EFCAB14: variants seen among roughly 807,000 people sequenced by gnomAD.
EFCAB14 encodes EF-hand calcium-binding domain-containing protein 14.
A neutral mutation model predicts 56.5 loss-of-function variants in EFCAB14; 43 were observed. The ratio of observed to expected loss-of-function variants is 0.76; its 90% CI spans 0.60 to 0.98. EFCAB14 has a LOEUF of 0.98. EFCAB14 is among the 50% of genes least tolerant of loss of function. The pLI, the probability that EFCAB14 is intolerant of heterozygous loss-of-function variation, is 0.00. For missense variants in EFCAB14, 538 were observed against 580.3 expected (o/e 0.93, Z 0.75); for synonymous variants, 235 against 212.9 (o/e 1.10, Z -0.90).
At position 46,696,541 on chromosome 1, in the gene EFCAB14, T is replaced by C. The variant is rs760022078; in HGVS notation, c.579+10A>G. 3.7e-6 allele frequency: 6 copies of C among 1,612,174 alleles called. No homozygotes were observed. Among genetic ancestry groups the C allele is most frequent in the Non-Finnish European group, 3.4e-6 (4 of 1,178,668 alleles). Reference sequence around the variant, plus strand: ...CTTCTGAAGTCTCTGTACCCACACATGGCACCTACCTTCTGAAGTCCCTCT... The same window carrying C: ...CTTCTGAAGTCTCTGTACCCACACACGGCACCTACCTTCTGAAGTCCCTCT... On this transcript the variant is annotated intron_variant, in intron 4 of 10. Transcript: ENST00000371933.
intron 3 of EFCAB14, among the ~76,000 whole-genome samples, chr1:46,701,385 T>C (rs1301959136): frequency 1.6e-5 from 2 of 126,382 alleles, no homozygotes; most frequent in Non-Finnish European, 3.2e-5. Context: ...TTATTCCTAA[T>C]ACTCTTATCA....
chr1:46,701,066 CTGTA>C (rs754127465), intron 3 of EFCAB14, among the ~76,000 whole-genome samples: 9 of 151,380 alleles, frequency 5.9e-5, no homozygotes, highest in Non-Finnish European at 1.3e-4. Flanking sequence ...CATAGGATTT[CTGTA>C]TGTGTTTTAT....
intron 3 of EFCAB14, among the ~76,000 whole-genome samples, chr1:46,702,016 T>G (rs553166131): frequency 1.3e-5 from 2 of 152,378 alleles, no homozygotes; most frequent in South Asian, 4.1e-4. Flanking sequence ...CTCTAACAGA[T>G]GCATTCTAGA....
chr1:46,707,564 T>C (rs1006158890), intron 3 of EFCAB14, among the ~76,000 whole-genome samples: 1 of 152,252 alleles, frequency 6.6e-6, no homozygotes, highest in Admixed American at 6.5e-5. Context: ...AAAAATGGGT[T>C]ATCTACTTTT....
intron 3 of EFCAB14, among the ~76,000 whole-genome samples, chr1:46,698,915 G>T (rs1483581312): frequency 6.6e-6 from 1 of 152,162 alleles, no homozygotes; most frequent in Non-Finnish European, 1.5e-5. Context: ...CAGTAGAAAT[G>T]GAGAGACCAG....
In EFCAB14 at chr1:46,689,661, T is replaced by G; in HGVS notation, c.721A>C (p.Ser241Arg). 6.2e-7 allele frequency: 1 copy of G among 1,613,898 alleles called. No individual in the cohort carries two copies. Among genetic ancestry groups the G allele is most frequent in the Non-Finnish European group, 8.5e-7 (1 of 1,179,804 alleles). Reference protein sequence around the residue: ...NQHFLKETPGSNQIIPSPSAT... With the variant: ...NQHFLKETPGRNQIIPSPSAT... The stretch of plus-strand genomic sequence containing the variant: ...GAAGGTGACGGAATGATCTGGTTGC[T>G]TCCAGGAGTCTCCTTCAAGAAGTGC... Residue 241 changes from serine (S) to arginine (R), a missense_variant, in exon 6 of 11, where the codon AGC (serine) becomes CGC (arginine). Transcript: ENST00000371933.
chr1:46,715,862 A>G (rs1026156830), intron 2 of EFCAB14, among the ~76,000 whole-genome samples: 1 of 152,152 alleles, frequency 6.6e-6, no homozygotes. Context: ...AGAGGAACGT[A>G]TAATTGCTTC....
In EFCAB14 at chr1:46,691,949, CAT is replaced by C; in HGVS notation, c.580-14_580-13del. The stretch of plus-strand genomic sequence containing the variant: ...ATGGAAGCTACACTCTGAATGGAAA[CAT>C]ATAGGAAGGTGTAAAAAAGCTTTAA... On this transcript the variant is annotated splice_polypyrimidine_tract_variant and intron_variant, in intron 4 of 10. Coordinates refer to ENST00000371933, the MANE Select transcript of EFCAB14 (RefSeq NM_014774.3). 2 of 1,602,494 alleles carry C rather than the reference CAT, an allele frequency of 1.2e-6. No individual in the cohort carries two copies. The highest frequency in any genetic ancestry group is 1.1e-5 in the South Asian group (1 of 89,544).
intron 7 of EFCAB14, 65 bp downstream of exon 7, chr1:46,688,288 G>A: frequency 6.8e-7 from 1 of 1,480,110 alleles, no homozygotes; most frequent in Non-Finnish European, 9.3e-7. Context: ...CTCAAAAGGT[G>A]GTAGAATGTT....
chr1:46,715,352 T>C (rs187450862), intron 2 of EFCAB14, among the ~76,000 whole-genome samples: 4 of 152,312 alleles, frequency 2.6e-5, no homozygotes, highest in South Asian at 2.1e-4. Context: ...AGCTCTGTCA[T>C]ACTTAATCAC....
At chr1:46,693,484 T>A (rs957015614) in intron 4 of EFCAB14, among the ~76,000 whole-genome samples, 1 of 152,180 alleles carries the variant, frequency 6.6e-6, no homozygotes, top group Non-Finnish European at 1.5e-5. Flanking sequence ...ACACACAGAT[T>A]TGCAAAGAGA....
chr1:46,689,751 T>G, intron 5 of EFCAB14, 60 bp from the exon 6 acceptor site: 1 of 1,425,200 alleles, frequency 7.0e-7, no homozygotes, highest in Non-Finnish European at 9.9e-7. Flanking sequence ...TACTTAACTA[T>G]CTGAGATTGT....
chr1:46,679,736 T>C (rs1467917788), intron 10 of EFCAB14, among the ~76,000 whole-genome samples: 1 of 150,416 alleles, frequency 6.6e-6, no homozygotes, highest in African/African-American at 2.4e-5. Flanking sequence ...TCAGCCTCCT[T>C]AGTAGCTGGC....
At chr1:46,682,717 T>G (rs1424864969) in intron 10 of EFCAB14, among the ~76,000 whole-genome samples, 1 of 152,212 alleles carries the variant, frequency 6.6e-6, no homozygotes, top group Non-Finnish European at 1.5e-5. Context: ...GATAATATAG[T>G]ACACTGGTTA....
Position 46,691,886 on chromosome 1 carries a change from C to T in EFCAB14, c.631G>A (p.Ala211Thr). The change falls in exon 5 of 11, where the codon GCA (alanine) becomes ACA (threonine). Residue 211 changes from alanine to threonine, a missense_variant. Ala to Thr is a moderately conservative substitution (Grantham distance 58, BLOSUM62 0). Transcript: ENST00000371933. Reference sequence around the variant, plus strand: ...TGTTCATCCACAGTTTTCTGTAGTGCTTCCACAGCAAGATGGACGCTGTTT... The same window carrying T: ...TGTTCATCCACAGTTTTCTGTAGTGTTTCCACAGCAAGATGGACGCTGTTT... ...TLNSVHLAVE[A>T]LQKTVDEHKK... 1 of 1,613,548 alleles carries T rather than the reference C, an allele frequency of 6.2e-7. No individual in the cohort carries two copies. The highest frequency in any genetic ancestry group is 8.5e-7 in the Non-Finnish European group (1 of 1,179,714).
chr1:46,678,645 A>T lies in EFCAB14; in HGVS notation c.1313-9T>A. 6.2e-7 allele frequency: 1 copy of T among 1,603,606 alleles called. No individual in the cohort carries two copies. Among genetic ancestry groups the T allele is most frequent in the South Asian group, 1.1e-5 (1 of 89,930 alleles). The stretch of plus-strand genomic sequence containing the variant: ...GAATAAATCCTGAAGATCTGTCAAA[A>T]ATGAATTACAAAAAATGTATACGTC... On this transcript the variant is annotated splice_polypyrimidine_tract_variant and intron_variant, in intron 10 of 10. Transcript: ENST00000371933.
rs548719678 is a variant in EFCAB14 at position 46,717,965 on chromosome 1, A to C, written c.123T>G (p.Ser41=). Residue 41 remains serine, a synonymous_variant, in exon 1 of 11, where the codon TCT becomes TCG. Transcript: ENST00000371933. Reference sequence around the variant, plus strand: ...CCTCTTCCTCTTCGGAGCTGGACTCAGAGTCTGAGTCGGGAGGCTCAGTGC... The same window carrying C: ...CCTCTTCCTCTTCGGAGCTGGACTCCGAGTCTGAGTCGGGAGGCTCAGTGC... ...LLRTEPPDSD[S]ESSSEEEEEF... 23 of 1,614,144 alleles carry C rather than the reference A, an allele frequency of 1.4e-5. No homozygotes were observed. In the South Asian group the frequency reaches 2.0e-4, roughly 14 times the overall value.
intron 10 of EFCAB14, among the ~76,000 whole-genome samples, chr1:46,680,637 T>A (rs1037502284): frequency 6.6e-6 from 1 of 152,168 alleles, no homozygotes; most frequent in Non-Finnish European, 1.5e-5. Flanking sequence ...ATGAAAATGT[T>A]CTGGAATTAG....
chr1:46,701,041 T>C (rs529134203), intron 3 of EFCAB14, among the ~76,000 whole-genome samples: 3 of 147,316 alleles, frequency 2.0e-5, no homozygotes, highest in South Asian at 2.1e-4. Flanking sequence ...GAGATGGGAA[T>C]TGAAGGAAAA....
Sources: gnomAD v4.1 joint callset for allele counts (sites outside exome capture counted in the v4.1 genomes callset) on GRCh38, gnomAD v4.1.1 for gene constraint, MANE v1.5 for transcripts, NCBI Gene and HGNC (gene_info 2026-07-23, HGNC 2026-07-21) for gene names.